Variants in ATRNL1 observed in about 807,000 individuals in gnomAD.
ATRNL1 encodes attractin like 1.
ATRNL1 carries 95 observed loss-of-function variants against 182.7 expected under a neutral mutation model. That is an observed-to-expected ratio of 0.52 (90% confidence interval 0.44 to 0.62). ATRNL1 has a LOEUF of 0.62. Ranked by LOEUF, ATRNL1 falls within the 20% of genes least tolerant of loss-of-function variation. The probability of loss-of-function intolerance (pLI) is 0.00; values close to 1 mark genes in which losing one functional copy is unlikely to be tolerated. For missense variants in ATRNL1, 1,471 were observed against 1,679.5 expected (o/e 0.88, Z 2.17); for synonymous variants, 576 against 568.3 (o/e 1.01, Z -0.19).
At chr10:115,383,928 T>C (rs1016152570) in intron 19 of ATRNL1, among the ~76,000 whole-genome samples, 1 of 151,958 alleles carries the variant, frequency 6.6e-6, no homozygotes, top group Non-Finnish European at 1.5e-5. Context: ...CTTTAAGTAA[T>C]TGCACTTGAG....
chr10:115,342,517 A>G (rs782686320), intron 19 of ATRNL1, among the ~76,000 whole-genome samples: 78 of 148,226 alleles, frequency 5.3e-4, no homozygotes, highest in Middle Eastern at 3.2e-3. Flanking sequence ...TTAACTTGTT[A>G]TTGTTTGTAT....
chr10:115,571,311 G>A (rs1018806860), intron 26 of ATRNL1, among the ~76,000 whole-genome samples: 4 of 152,190 alleles, frequency 2.6e-5, no homozygotes, highest in Non-Finnish European at 5.9e-5. Flanking sequence ...GAAGGAAGGA[G>A]TGATGAAGAA....
chr10:115,483,170 C>T (rs1461040669), intron 24 of ATRNL1, among the ~76,000 whole-genome samples: 1 of 151,298 alleles, frequency 6.6e-6, no homozygotes, highest in African/African-American at 2.4e-5. Flanking sequence ...TATGGAAAGA[C>T]ATCTGCTCTT....
chr10:115,189,979 A>C (rs567699965), intron 8 of ATRNL1, among the ~76,000 whole-genome samples: 16 of 152,260 alleles, frequency 1.1e-4, no homozygotes, highest in East Asian at 3.9e-4. Flanking sequence ...TAGATACACA[A>C]ATACCGTTGT....
intron 26 of ATRNL1, among the ~76,000 whole-genome samples, chr10:115,687,052 A>G (rs904388194): frequency 6.6e-6 from 1 of 151,842 alleles, no homozygotes; most frequent in Non-Finnish European, 1.5e-5. Flanking sequence ...TGTGGTTTTG[A>G]TTTGGATTTT....
intron 26 of ATRNL1, among the ~76,000 whole-genome samples, chr10:115,682,139 G>A (rs1946065927): frequency 6.6e-6 from 1 of 152,172 alleles, no homozygotes; most frequent in Non-Finnish European, 1.5e-5. Flanking sequence ...TAGCAGGATA[G>A]ATAAACTGAA....
intron 27 of ATRNL1, among the ~76,000 whole-genome samples, chr10:115,777,733 G>T (rs1181084413): frequency 2.6e-5 from 4 of 152,112 alleles, no homozygotes; most frequent in African/African-American, 4.8e-5. Flanking sequence ...CTTAACACAA[G>T]GCCCTCACCC....
intron 24 of ATRNL1, among the ~76,000 whole-genome samples, chr10:115,481,836 A>G (rs576665446): frequency 2.0e-4 from 30 of 151,098 alleles, no homozygotes; most frequent in Admixed American, 5.3e-4. Flanking sequence ...TTTGAAAAAA[A>G]TATAACTATA....
intron 13 of ATRNL1, among the ~76,000 whole-genome samples, chr10:115,280,809 A>G (rs1554916552): frequency 6.6e-6 from 1 of 152,230 alleles, no homozygotes; most frequent in African/African-American, 2.4e-5. Flanking sequence ...AAAGCCTTGC[A>G]ATATCAAGTC....
chr10:115,505,999 C>A (rs1554981218), intron 24 of ATRNL1, among the ~76,000 whole-genome samples: 3 of 150,548 alleles, frequency 2.0e-5, no homozygotes, highest in Non-Finnish European at 4.4e-5. Context: ...TGAACTCCAG[C>A]ATGGGTGGAC....
At chr10:115,134,379 C>G (rs1845405235) in intron 5 of ATRNL1, among the ~76,000 whole-genome samples, 1 of 152,072 alleles carries the variant, frequency 6.6e-6, no homozygotes. Context: ...CACAGAGATA[C>G]AAACAACCAT....
chr10:115,246,110 C>T (rs1332650132), intron 10 of ATRNL1, among the ~76,000 whole-genome samples: 3 of 152,054 alleles, frequency 2.0e-5, no homozygotes, highest in Admixed American at 6.6e-5. Context: ...CTAATGTTTT[C>T]AACAGTGCTT....
intron 26 of ATRNL1, among the ~76,000 whole-genome samples, chr10:115,590,865 C>T (rs1365011435): frequency 6.6e-6 from 1 of 152,172 alleles, no homozygotes; most frequent in East Asian, 1.9e-4. Context: ...GTTTCACCAT[C>T]CCTCTTCCTG....
intron 27 of ATRNL1, among the ~76,000 whole-genome samples, chr10:115,754,130 C>A (rs1323753735): frequency 6.6e-6 from 1 of 152,196 alleles, no homozygotes; most frequent in Non-Finnish European, 1.5e-5. Flanking sequence ...GTTGCCTGCT[C>A]ACTCTGATGA....
At chr10:115,635,281 A>G (rs181383422) in intron 26 of ATRNL1, among the ~76,000 whole-genome samples, 4 of 152,128 alleles carry the variant, frequency 2.6e-5, no homozygotes, top group Admixed American at 6.5e-5. Flanking sequence ...TTACAAATCA[A>G]TGAAAAAAGA....
intron 19 of ATRNL1, among the ~76,000 whole-genome samples, chr10:115,356,222 G>A (rs937341472): frequency 1.3e-5 from 2 of 151,996 alleles, no homozygotes; most frequent in African/African-American, 2.4e-5. Context: ...ATGAGGTTGA[G>A]CATTTCTTAA....
chr10:115,815,415 ATGTGTGTGTGTG>A (rs367551845), intron 27 of ATRNL1, among the ~76,000 whole-genome samples: 6 of 142,946 alleles, frequency 4.2e-5, no homozygotes, highest in African/African-American at 7.8e-5. Flanking sequence ...GTGTGTGTGT[ATGTGTGTGTGTG>A]TGTGTGTGTG....
At chr10:115,131,283 A>G (rs1193197891) in intron 5 of ATRNL1, among the ~76,000 whole-genome samples, 1 of 152,112 alleles carries the variant, frequency 6.6e-6, no homozygotes, top group African/African-American at 2.4e-5. Flanking sequence ...TATATTTTAT[A>G]TGGAGAATAG....
At chr10:115,634,118 A>G (rs1858709192) in intron 26 of ATRNL1, among the ~76,000 whole-genome samples, 1 of 152,120 alleles carries the variant, frequency 6.6e-6, no homozygotes, top group South Asian at 2.1e-4. Flanking sequence ...GAAAATTAAA[A>G]TTAGCGTCTG....
Sources: gnomAD v4.1 joint callset for allele counts (sites outside exome capture counted in the v4.1 genomes callset) on GRCh38, gnomAD v4.1.1 for gene constraint, MANE v1.5 for transcripts, NCBI Gene and HGNC (gene_info 2026-07-23, HGNC 2026-07-21) for gene names.